The following EYA1 variants were observed in gnomAD, a reference collection of about 807,000 sequenced individuals.
The protein encoded by EYA1 is protein phosphatase EYA1.
Under a neutral mutation model 82.0 loss-of-function variants are expected in EYA1, and 16 were observed. That is an observed-to-expected ratio of 0.20 (90% confidence interval 0.13 to 0.30). The LOEUF (loss-of-function observed/expected upper bound fraction) is 0.30. Among genes scored for constraint, EYA1 ranks in the 10% least tolerant of loss-of-function variants. EYA1 has a pLI of 1.00. For missense variants in EYA1, 633 were observed against 730.7 expected (o/e 0.87, Z 1.54); for synonymous variants, 261 against 264.4 (o/e 0.99, Z 0.12).
At chr8:71,394,259 G>A (rs1829452811) in intron 2 of EYA1, among the ~76,000 whole-genome samples, 1 of 152,082 alleles carries the variant, frequency 6.6e-6, no homozygotes, top group South Asian at 2.1e-4. Context: ...CACTCTGATG[G>A]TAGTTTCTTT....
At chr8:71,353,258 A>G (rs934864998) in intron 3 of EYA1, among the ~76,000 whole-genome samples, 3 of 152,154 alleles carry the variant, frequency 2.0e-5, no homozygotes, top group African/African-American at 7.2e-5. Context: ...CTATATCCAC[A>G]CCCAGTCTGT....
At chr8:71,247,387 G>A (rs1446514980) in intron 11 of EYA1, among the ~76,000 whole-genome samples, 2 of 152,136 alleles carry the variant, frequency 1.3e-5, no homozygotes, top group East Asian at 3.9e-4. Flanking sequence ...ACATAGTATT[G>A]CCAAACGTCA....
rs764745292 is a variant in EYA1, at chr8:71,271,812, A to T, written c.912T>A (p.Arg304=). ...GATTATTGTTTCTTCGGCCCCGTCC[A>T]CGTGATTTCCCATCTGAACCTCGAC... is the stretch of plus-strand genomic sequence containing the variant. The part of the protein sequence containing the change: ...RLRRGSDGKS[R]GRGRRNNNPS... The change falls in exon 10 of 18, where the codon CGT becomes CGA. Residue 304 remains arginine, a synonymous_variant. Coordinates refer to ENST00000340726, the MANE Select transcript of EYA1 (RefSeq NM_000503.6). 6.2e-7 allele frequency: 1 copy of T among 1,614,194 alleles called. No homozygotes were observed. Among genetic ancestry groups the T allele is most frequent in the South Asian group, 1.1e-5 (1 of 91,084 alleles).
intron 6 of EYA1, among the ~76,000 whole-genome samples, chr8:71,319,489 T>G (rs896754219): frequency 6.6e-6 from 1 of 151,984 alleles, no homozygotes; most frequent in Non-Finnish European, 1.5e-5. Flanking sequence ...ATCTTTGTGA[T>G]AAGAACATGT....
At chr8:71,424,262 A>C (rs1043939580) in intron 2 of EYA1, among the ~76,000 whole-genome samples, 8 of 152,238 alleles carry the variant, frequency 5.3e-5, no homozygotes, top group Admixed American at 5.2e-4. Flanking sequence ...AAATTGTTAC[A>C]GTCAGATCCA....
chr8:71,385,956 A>G (rs1586602402), intron 2 of EYA1, among the ~76,000 whole-genome samples: 1 of 152,158 alleles, frequency 6.6e-6, no homozygotes, highest in Non-Finnish European at 1.5e-5. Context: ...GCTCCCATTT[A>G]ATGCTTTGAA....
intron 12 of EYA1, among the ~76,000 whole-genome samples, chr8:71,240,934 A>G (rs1039856951): frequency 6.6e-6 from 1 of 152,210 alleles, no homozygotes; most frequent in African/African-American, 2.4e-5. Context: ...TTTACCAAAG[A>G]AGCTGAAAAA....
intron 2 of EYA1, among the ~76,000 whole-genome samples, chr8:71,467,285 C>T (rs201447623): frequency 6.6e-6 from 1 of 151,808 alleles, no homozygotes; most frequent in East Asian, 1.9e-4. Flanking sequence ...TTAAAATATC[C>T]CTTTTTTGTA....
chr8:71,439,066 G>C (rs189855558), intron 2 of EYA1, among the ~76,000 whole-genome samples: 1 of 152,272 alleles, frequency 6.6e-6, no homozygotes, highest in African/African-American at 2.4e-5. Context: ...TATGAGGTCA[G>C]AGATTTTGAT....
intron 1 of EYA1, among the ~76,000 whole-genome samples, chr8:71,545,452 G>C (rs1231944400): frequency 3.3e-5 from 5 of 150,822 alleles, no homozygotes; most frequent in Non-Finnish European, 7.4e-5. Context: ...AATCAATACT[G>C]TTATTATAAC....
intron 9 of EYA1, among the ~76,000 whole-genome samples, chr8:71,289,111 C>A (rs1360738771): frequency 6.6e-6 from 1 of 151,884 alleles, no homozygotes; most frequent in Non-Finnish European, 1.5e-5. Flanking sequence ...AAAAGGAGGA[C>A]AAGATGCAAG....
chr8:71,210,752 T>C (rs935821832), intron 17 of EYA1, among the ~76,000 whole-genome samples: 4 of 152,220 alleles, frequency 2.6e-5, no homozygotes, highest in Non-Finnish European at 2.9e-5. Context: ...GACCAACTGA[T>C]AGAGGCTTTC....
intron 12 of EYA1, among the ~76,000 whole-genome samples, chr8:71,239,457 A>G (rs763518640): frequency 1.3e-5 from 2 of 152,238 alleles, no homozygotes; most frequent in Non-Finnish European, 2.9e-5. Flanking sequence ...GTCAACATAT[A>G]TAAGGCAACA....
intron 4 of EYA1, among the ~76,000 whole-genome samples, chr8:71,324,352 G>C (rs186051779): frequency 6.6e-6 from 1 of 152,066 alleles, no homozygotes; most frequent in Non-Finnish European, 1.5e-5. Flanking sequence ...CCTAGGTTCT[G>C]GAATCAGAAT....
chr8:71,434,931 A>T (rs181839968), intron 2 of EYA1, among the ~76,000 whole-genome samples: 283 of 152,234 alleles, frequency 1.9e-3, no homozygotes, highest in Middle Eastern at 0.017. Context: ...ACAGACATAT[A>T]TATGTGCATA....
At chr8:71,472,811 A>ATATATATATATATATCTATC (rs988307541) in intron 2 of EYA1, among the ~76,000 whole-genome samples, 1 of 147,818 alleles carries the variant, frequency 6.8e-6, no homozygotes, top group East Asian at 2.0e-4. Context: ...ATATATATAT[A>ATATATATATATATATCTATC]TATCTGTCAG....
rs767388665 is a variant in EYA1 at position 71,198,898 on chromosome 8, C to T, written c.*442G>A. On this transcript the variant is annotated 3_prime_UTR_variant, in exon 18 of 18. Coordinates refer to ENST00000340726, the MANE Select transcript of EYA1 (RefSeq NM_000503.6). ...TGTACAGATTACCCTGGGTATGAGA[C>T]ACCAAAAAGTAAACCTTCTTTACAA... 54 of 230,450 alleles carry T rather than the reference C, an allele frequency of 2.3e-4. No individual in the cohort carries two copies. Among genetic ancestry groups the T allele is most frequent in the Non-Finnish European group, 2.4e-4 (27 of 113,950 alleles). The allele number at this position is 230,450 out of a possible 1,614,324, so 14.3% of individuals were successfully genotyped here. A position where few individuals can be genotyped will look rare whatever the true frequency, so the allele number is the denominator to read the frequency against.
At chr8:71,481,362 G>A (rs1216146696) in intron 2 of EYA1, among the ~76,000 whole-genome samples, 4 of 152,156 alleles carry the variant, frequency 2.6e-5, no homozygotes, top group African/African-American at 9.7e-5. Flanking sequence ...TAAGATGAGA[G>A]TCATTGAATG....
At chr8:71,261,112 A>C (rs186884784) in intron 11 of EYA1, among the ~76,000 whole-genome samples, 191 of 152,308 alleles carry the variant, frequency 1.3e-3, no homozygotes, top group African/African-American at 4.3e-3. Flanking sequence ...AGCTTTGAAA[A>C]TTAGCTTCCT....
Sources: allele counts gnomAD v4.1 joint callset (sites outside exome capture counted in the v4.1 genomes callset), GRCh38; gene constraint gnomAD v4.1.1; transcripts MANE v1.5; gene names NCBI Gene and HGNC (gene_info 2026-07-23, HGNC 2026-07-21).